MROH2A: variants seen among roughly 807,000 people sequenced by gnomAD.
MROH2A encodes the protein maestro heat like repeat family member 2A.
MROH2A carries 174 observed loss-of-function variants against 200.4 expected under a neutral mutation model. The observed-to-expected ratio is 0.87, with a 90% CI of 0.77 to 0.98. The LOEUF is 0.98. Ranked by LOEUF, MROH2A falls within the 50% of genes least tolerant of loss-of-function variation. MROH2A has a pLI of 0.00. For synonymous variants in MROH2A, 829 were observed against 840.4 expected, an observed-to-expected ratio of 0.99 and a Z score of 0.23; for missense variants, 2,045 against 2,139.6, an observed-to-expected ratio of 0.96 and a Z score of 0.87.
intron 14 of MROH2A, 131 bp downstream of exon 14, chr2:233,800,446 C>T (rs1457905145): frequency 1.6e-6 from 1 of 618,810 alleles, no homozygotes; most frequent in African/African-American, 1.9e-5. Context: ...CCTTCCTCTT[C>T]CAGTTGCCTG....
In MROH2A at chr2:233,822,849, G is replaced by A. The variant is rs1158958192; in HGVS notation, c.3867-32G>A. 2.6e-6 allele frequency: 4 copies of A among 1,548,960 alleles called. No homozygotes were observed. In the South Asian group the frequency reaches 3.6e-5, roughly 14 times the overall value. On this transcript the variant is annotated intron_variant, in intron 33 of 41. Coordinates refer to ENST00000389758, the MANE Select transcript of MROH2A (RefSeq NM_001394639.1). ...CCCCAGGCCATGCGCTCCCAGCAGGGCAGCGCATCACAAGCTCCCACCTCC... is the reference window on the plus strand; with the variant it reads ...CCCCAGGCCATGCGCTCCCAGCAGGACAGCGCATCACAAGCTCCCACCTCC...
intron 14 of MROH2A, among the ~76,000 whole-genome samples, chr2:233,801,457 A>G (rs1245867411): frequency 6.6e-6 from 1 of 152,222 alleles, no homozygotes; most frequent in Non-Finnish European, 1.5e-5. Context: ...AAACAGAACC[A>G]GTAGAAGACA....
At chr2:233,825,382 G>A (rs1704235693) in intron 35 of MROH2A, among the ~76,000 whole-genome samples, 1 of 152,170 alleles carries the variant, frequency 6.6e-6, no homozygotes, top group Non-Finnish European at 1.5e-5. Flanking sequence ...GTGAGAGAGG[G>A]CATCCTTGTC....
At chr2:233,798,676 T>C in intron 11 of MROH2A, 98 bp from the exon 12 acceptor site, 3 of 817,102 alleles carry the variant, frequency 3.7e-6, no homozygotes, top group Non-Finnish European at 6.2e-6. Context: ...GCTTGGAGAA[T>C]GTGGGAGGAG....
chr2:233,803,522 G>T (rs1702602440), intron 16 of MROH2A, 34 bp downstream of exon 16: 1 of 1,549,122 alleles, frequency 6.5e-7, no homozygotes, highest in Non-Finnish European at 8.7e-7. Context: ...CCCTGGCCTG[G>T]CAAGGCCATG....
At position 233,779,779 on chromosome 2, in the gene MROH2A, T is replaced by A; in HGVS notation, c.203T>A (p.Ile68Lys). The part of the protein sequence containing the change: ...LDMRKTLASV[I>K]IMEKATTEPS... The stretch of plus-strand genomic sequence containing the variant: ...ATGCGGAAGACCCTGGCCTCGGTGA[T>A]AATCATGGAGAAGGCCACCACTGAG... The change falls in exon 3 of 42, where the codon ATA (isoleucine) becomes AAA (lysine). Residue 68 changes from isoleucine to lysine, a missense_variant. By Grantham distance (102) the Ile-to-Lys change is moderately radical. Coordinates refer to ENST00000389758, the MANE Select transcript of MROH2A (RefSeq NM_001394639.1). The A allele has an allele frequency of 6.4e-7, 1 of 1,550,828 alleles. No individual in the cohort carries two copies. Among genetic ancestry groups the A allele is most frequent in the African/African-American group, 1.4e-5 (1 of 73,160 alleles).
intron 4 of MROH2A, 87 bp downstream of exon 4, chr2:233,789,715 T>C: frequency 6.9e-7 from 1 of 1,452,640 alleles, no homozygotes; most frequent in Non-Finnish European, 9.1e-7. Context: ...CCCACAGCCC[T>C]GTGCAGTTAC....
Position 233,799,804 on chromosome 2 carries a change from A to C in MROH2A, c.1354A>C (p.Ile452Leu). The change falls in exon 13 of 42, where the codon ATT becomes CTT. Residue 452 changes from isoleucine (I) to leucine (L), a missense_variant. By Grantham distance (5) the Ile-to-Leu change is conservative. Around this residue, in one of 3 missense-constraint regions of MROH2A, gnomAD observed 831 missense variants for 800.0 expected, o/e 1.04. Coordinates refer to ENST00000389758, the MANE Select transcript of MROH2A (RefSeq NM_001394639.1). ...SKVRMAILHI[I>L]GQLALCGYQE... ...GGTGAGGATGGCTATTCTCCACATCATTGGGCAGTTGGCTCTCTGTGGCTA... is the reference window on the plus strand; with the variant it reads ...GGTGAGGATGGCTATTCTCCACATCCTTGGGCAGTTGGCTCTCTGTGGCTA... 1 of 1,550,354 alleles carries C rather than the reference A, an allele frequency of 6.5e-7. No homozygotes were observed. The highest frequency in any genetic ancestry group is 1.2e-5 in the South Asian group (1 of 84,032).
chr2:233,808,984 A>G (rs1276843040), intron 21 of MROH2A, 142 bp from the exon 22 acceptor site: 1 of 860,752 alleles, frequency 1.2e-6, no homozygotes, highest in Non-Finnish European at 1.8e-6. Flanking sequence ...TACGATGAAC[A>G]TTTCAGGCAC....
upstream of MROH2A, among the ~76,000 whole-genome samples, chr2:233,776,984 C>G (rs1481061281): frequency 2.0e-5 from 3 of 152,280 alleles, no homozygotes; most frequent in Non-Finnish European, 4.4e-5. Flanking sequence ...TCCCCATCAC[C>G]CTAGTCATTT....
In MROH2A at chr2:233,788,155, T is replaced by G. The variant is rs185686808; in HGVS notation, c.277-1342T>G. Among the ~76,000 whole-genome samples the G allele has an allele frequency of 4.8e-5, 4 of 82,930 alleles. 1 individual carries two copies. The highest frequency in any genetic ancestry group is 2.0e-4 in the African/African-American group (4 of 19,744). The allele number at this position is 82,930 out of a possible 152,430, so 54.4% of individuals were successfully genotyped here. A position where few individuals can be genotyped will look rare whatever the true frequency, so the allele number is the denominator to read the frequency against. On this transcript the variant is annotated intron_variant, in intron 3 of 41. Coordinates refer to ENST00000389758, the MANE Select transcript of MROH2A (RefSeq NM_001394639.1). ...ATTTTATATATATATAATATATATT[T>G]TATATATACATATACATATATTATA...
rs2126145880 is a variant in MROH2A, at chr2:233,810,853, C to G, written c.2508C>G (p.Asn836Lys). The change falls in exon 23 of 42, where the codon AAC (asparagine) becomes AAG (lysine). Residue 836 changes from asparagine to lysine, a missense_variant. Asn to Lys is a moderately conservative substitution (Grantham distance 94). This residue lies in a region of MROH2A where 1,201 missense variants were observed against 1,311.3 expected (regional missense o/e 0.92). Coordinates refer to ENST00000389758, the MANE Select transcript of MROH2A (RefSeq NM_001394639.1). Reference sequence around the variant, plus strand: ...TTGTGCAGGTTACCAAGGCCATCAACAACATCAAGGACCTGGAGGACTTTC... The same window carrying G: ...TTGTGCAGGTTACCAAGGCCATCAAGAACATCAAGGACCTGGAGGACTTTC... Reference protein sequence around the residue: ...KSVVQVTKAINNIKDLEDFHF... With the variant: ...KSVVQVTKAIKNIKDLEDFHF... 6.4e-7 allele frequency: 1 copy of G among 1,550,490 alleles called. No individual in the cohort carries two copies. Among genetic ancestry groups the G allele is most frequent in the South Asian group, 1.2e-5 (1 of 84,056 alleles).
chr2:233,831,636 C>A, intron 39 of MROH2A, 96 bp downstream of exon 39: 1 of 1,325,504 alleles, frequency 7.5e-7, no homozygotes. Context: ...TCTTGGGGCC[C>A]TATGTTTACC....
intron 28 of MROH2A, 32 bp from the exon 29 acceptor site, chr2:233,818,620 G>A: frequency 1.4e-6 from 2 of 1,415,142 alleles, no homozygotes; most frequent in Non-Finnish European, 1.9e-6. Flanking sequence ...TTTTGTCCCT[G>A]CTGGTCATTT....
intron 23 of MROH2A, 21 bp from the exon 24 acceptor site, chr2:233,811,859 C>T (rs773339244): frequency 1.3e-6 from 2 of 1,535,990 alleles, no homozygotes; most frequent in South Asian, 1.2e-5. Context: ...AAAGCCACCA[C>T]CCCCTGCTTG....
rs117621467 is a variant in MROH2A at position 233,796,157 on chromosome 2, T to C, written c.1139-43T>C. On this transcript the variant is annotated intron_variant, in intron 10 of 41. Coordinates refer to ENST00000389758, the MANE Select transcript of MROH2A (RefSeq NM_001394639.1). Reference sequence around the variant, plus strand: ...TGGGACTGCCTTGCTGGGCCTGCTCTGGACCCGGTGAGCATGACTAAAGCT... The same window carrying C: ...TGGGACTGCCTTGCTGGGCCTGCTCCGGACCCGGTGAGCATGACTAAAGCT... 2,755 of 1,525,758 alleles carry C rather than the reference T, an allele frequency of 1.8e-3. 28 individuals carry two copies. The East Asian group carries it at 0.022, about 12-fold the overall frequency. The allele number at this position is 1,525,758 out of a possible 1,614,324, so 94.5% of individuals were successfully genotyped here. A position where few individuals can be genotyped will look rare whatever the true frequency, so the allele number is the denominator to read the frequency against.
intron 35 of MROH2A, among the ~76,000 whole-genome samples, chr2:233,825,694 G>C (rs536298059): frequency 3.3e-5 from 5 of 152,272 alleles, no homozygotes; most frequent in Admixed American, 1.3e-4. Flanking sequence ...TGAGCTTTTT[G>C]ATATGCTGCT....
intron 15 of MROH2A, chr2:233,802,550 C>T (rs1268438118): frequency 4.5e-6 from 2 of 445,814 alleles, no homozygotes; most frequent in Non-Finnish European, 8.0e-6. Flanking sequence ...CATGTCCTGT[C>T]CCCCCAGCCC....
rs546097870 is a variant in MROH2A, at chr2:233,822,192, T to G, written c.3581T>G (p.Leu1194Arg). 55 of 1,549,540 alleles carry G rather than the reference T, an allele frequency of 3.5e-5. No individual in the cohort carries two copies. The East Asian group carries it at 8.8e-4, about 25-fold the overall frequency. The change falls in exon 32 of 42, where the codon CTG (leucine) becomes CGG (arginine). Residue 1194 changes from leucine (L) to arginine (R), a missense_variant. Coordinates refer to ENST00000389758, the MANE Select transcript of MROH2A (RefSeq NM_001394639.1). ...TTCGCCCGGACCATGCTCCACAGCC[T>G]GATGGGCCGGCTGCAGTCACGGCTC... ...VPFARTMLHS[L>R]MGRLQSRLSP...
Sources: gnomAD v4.1 joint callset for allele counts (sites outside exome capture counted in the v4.1 genomes callset) on GRCh38, gnomAD v4.1.1 for gene constraint, gnomAD v4.1.1 regional missense constraint, MANE v1.5 for transcripts, NCBI Gene and HGNC (gene_info 2026-07-23, HGNC 2026-07-21) for gene names.